PRUNE2: variants seen among roughly 807,000 people sequenced by gnomAD.
PRUNE2 encodes prune homolog 2 with BCH domain.
Under a neutral mutation model 252.0 loss-of-function variants are expected in PRUNE2, and 164 were observed. The ratio of observed to expected loss-of-function variants is 0.65; its 90% CI spans 0.57 to 0.74. The LOEUF is 0.74. Among genes scored for constraint, PRUNE2 ranks in the 30% least tolerant of loss-of-function variants. PRUNE2 has a pLI of 0.00. For synonymous variants in PRUNE2, 1,292 were observed against 1,350.2 expected, an observed-to-expected ratio of 0.96 and a Z score of 0.94; for missense variants, 3,495 against 3,711.0, an observed-to-expected ratio of 0.94 and a Z score of 1.51.
intron 6 of PRUNE2, chr9:76,783,871 C>T (rs1392768964): frequency 6.6e-6 from 1 of 152,146 alleles, no homozygotes; most frequent in African/African-American, 2.4e-5. Flanking sequence ...ACAGGAAGCA[C>T]AAAAGGAAGC....
intron 9 of PRUNE2, among the ~76,000 whole-genome samples, chr9:76,662,979 C>G (rs143414601): frequency 3.9e-4 from 60 of 152,232 alleles, no homozygotes; most frequent in African/African-American, 1.4e-3. Flanking sequence ...GCTTGCCTTC[C>G]CTCGTTAAGA....
intron 6 of PRUNE2, among the ~76,000 whole-genome samples, chr9:76,803,281 G>T (rs571201431): frequency 6.6e-6 from 1 of 152,150 alleles, no homozygotes; most frequent in East Asian, 1.9e-4. Context: ...TTACAAAGAC[G>T]CAAATACCTA....
chr9:76,710,286 T>C lies in PRUNE2; in HGVS notation c.1988A>G (p.Asp663Gly), dbSNP rs1197315167. 3.1e-6 allele frequency: 5 copies of C among 1,613,744 alleles called. No individual in the cohort carries two copies. In the South Asian group the frequency reaches 4.4e-5, roughly 14 times the overall value. The change falls in exon 8 of 19, where the codon GAC (aspartate) becomes GGC (glycine). Residue 663 changes from aspartate (D) to glycine (G), a missense_variant. By Grantham distance (94) the Asp-to-Gly change is moderately conservative. Transcript: ENST00000376718. ...CCACGCATCTGCAATATTTTTGGAG[T>C]CAATTTCCAAACCACCCCACCAGCT... The part of the protein sequence containing the change: ...CSSWWGGLEI[D>G]SKNIADAWSS...
At chr9:76,615,740 A>AT (rs926700699) in intron 18 of PRUNE2, among the ~76,000 whole-genome samples, 29 of 102,782 alleles carry the variant, frequency 2.8e-4, no homozygotes, top group Middle Eastern at 7.9e-3. Context: ...ACCTCGGTGG[A>AT]TTTTTTTTGT....
chr9:76,715,373 G>A (rs2047060823), intron 6 of PRUNE2, among the ~76,000 whole-genome samples: 1 of 152,200 alleles, frequency 6.6e-6, no homozygotes, highest in African/African-American at 2.4e-5. Context: ...TAGGTAGGCA[G>A]GCAGGCCCCG....
At chr9:76,859,610 A>G (rs1458623210) in intron 1 of PRUNE2, among the ~76,000 whole-genome samples, 1 of 152,138 alleles carries the variant, frequency 6.6e-6, no homozygotes, top group East Asian at 1.9e-4. Flanking sequence ...GAGTTTAATC[A>G]TCACAGGGCC....
At chr9:76,715,985 G>A (rs901772499) in intron 6 of PRUNE2, among the ~76,000 whole-genome samples, 67 of 151,954 alleles carry the variant, frequency 4.4e-4, no homozygotes, top group East Asian at 7.7e-4. Context: ...AGTATTTTTC[G>A]TTATGTATAT....
chr9:76,818,328 A>T (rs1260411613), intron 6 of PRUNE2, among the ~76,000 whole-genome samples: 2 of 152,202 alleles, frequency 1.3e-5, no homozygotes, highest in East Asian at 3.8e-4. Flanking sequence ...TGGCTCACTT[A>T]TGCTTCACTG....
intron 6 of PRUNE2, among the ~76,000 whole-genome samples, chr9:76,797,038 T>TACGCACACACACAC (rs71309258): frequency 0.011 from 1,677 of 151,738 alleles, 31 homozygotes; most frequent in African/African-American, 0.038. Context: ...CACTCACACA[T>TACGCACACACACAC]ACACACACAC....
At chr9:76,769,573 G>A (rs949662304) in intron 6 of PRUNE2, among the ~76,000 whole-genome samples, 19 of 152,240 alleles carry the variant, frequency 1.2e-4, no homozygotes, top group Admixed American at 3.3e-4. Flanking sequence ...TTACAGGCAC[G>A]TGCCACCATG....
intron 6 of PRUNE2, among the ~76,000 whole-genome samples, chr9:76,714,321 G>C (rs886447970): frequency 6.6e-5 from 10 of 152,164 alleles, no homozygotes; most frequent in Admixed American, 5.9e-4. Context: ...CAATACCTCA[G>C]ATTACCCAGA....
chr9:76,615,346 A>G, intron 18 of PRUNE2: 1 of 557,000 alleles, frequency 1.8e-6, no homozygotes, highest in Non-Finnish European at 2.3e-6. Flanking sequence ...TTTGGCACGT[A>G]TCTGTGGATT....
intron 9 of PRUNE2, among the ~76,000 whole-genome samples, chr9:76,661,580 G>T (rs1466351692): frequency 1.3e-5 from 2 of 152,156 alleles, no homozygotes. Context: ...ACAGACTTCA[G>T]AAAAGGCATT....
rs146503409 is a variant in PRUNE2 at position 76,754,109 on chromosome 9, G to A, written c.757-40388C>T. Among the ~76,000 whole-genome samples the A allele has an allele frequency of 6.0e-3, 916 of 152,136 alleles. 12 individuals are homozygous for A. The highest frequency in any genetic ancestry group is 0.019 in the African/African-American group (800 of 41,502). On this transcript the variant is annotated intron_variant, in intron 6 of 18. Transcript: ENST00000376718. ...AATAATCTGGAATTTTTTCCAATGC[G>A]TGTTATTGTCAGCATCTCTTCTTTA...
chr9:76,628,792 G>A (rs7850535), intron 16 of PRUNE2, among the ~76,000 whole-genome samples: 35,069 of 151,542 alleles, frequency 0.23, 4,370 homozygotes, highest in African/African-American at 0.3. Flanking sequence ...AAATAAGATA[G>A]TGCCATTTCC....
chr9:76,824,897 T>G (rs1423243019), intron 5 of PRUNE2, among the ~76,000 whole-genome samples: 1 of 152,262 alleles, frequency 6.6e-6, no homozygotes, highest in Non-Finnish European at 1.5e-5. Context: ...CATTGTGACA[T>G]TAAAAGTTTG....
At position 76,846,653 on chromosome 9, in the gene PRUNE2, C is replaced by T. The variant is rs2059685251; in HGVS notation, c.370G>A (p.Val124Ile). The change falls in exon 4 of 19, where the codon GTT (valine) becomes ATT (isoleucine). Residue 124 changes from valine (V) to isoleucine (I), a missense_variant. Coordinates refer to ENST00000376718, the MANE Select transcript of PRUNE2 (RefSeq NM_015225.3). ...TCAACCGGATTAATGACTTTGACAACTGCTGATTCTAAAGTTTTGTCTTCA... is the reference window on the plus strand; with the variant it reads ...TCAACCGGATTAATGACTTTGACAATTGCTGATTCTAAAGTTTTGTCTTCA... ...ASEDKTLESA[V>I]VKVINPVEQS... is the part of the protein sequence containing the mutation. The T allele has an allele frequency of 6.2e-7, 1 of 1,613,906 alleles. No individual in the cohort carries two copies. Among genetic ancestry groups the T allele is most frequent in the African/African-American group, 1.3e-5 (1 of 74,934 alleles).
In PRUNE2 at chr9:76,713,711, A is replaced by G. The variant is rs1240982461; in HGVS notation, c.767T>C (p.Phe256Ser). ...CAAGTCACTGGTAATATTGCTGTGAAATAGACAATTCTGAAACGACAACAG... is the reference window on the plus strand; with the variant it reads ...CAAGTCACTGGTAATATTGCTGTGAGATAGACAATTCTGAAACGACAACAG... Reference protein sequence around the residue: ...TVSMNLENCLFHSNITSDLKA... With the variant: ...TVSMNLENCLSHSNITSDLKA... Residue 256 changes from phenylalanine (F) to serine (S), a missense_variant, in exon 7 of 19, where the codon TTT becomes TCT. Phe to Ser is a radical substitution (Grantham distance 155). Coordinates refer to ENST00000376718, the MANE Select transcript of PRUNE2 (RefSeq NM_015225.3). The G allele has an allele frequency of 6.3e-7, 1 of 1,594,014 alleles. No individual in the cohort carries two copies. The highest frequency in any genetic ancestry group is 1.8e-5 in the Admixed American group (1 of 57,046).
At chr9:76,895,525 A>G (rs72735046) in intron 1 of PRUNE2, among the ~76,000 whole-genome samples, 16,591 of 151,942 alleles carry the variant, frequency 0.11, 1,097 homozygotes, top group South Asian at 0.23. Flanking sequence ...CTTCTTTTCT[A>G]TTTTTTTCTA....
Sources: allele counts gnomAD v4.1 joint callset (sites outside exome capture counted in the v4.1 genomes callset), GRCh38; gene constraint gnomAD v4.1.1; transcripts MANE v1.5; gene names NCBI Gene and HGNC (gene_info 2026-07-23, HGNC 2026-07-21).